GDPD5: variants seen among roughly 807,000 people sequenced by gnomAD.
GDPD5 encodes the protein glycerophosphodiester phosphodiesterase 2.
A neutral mutation model predicts 75.1 loss-of-function variants in GDPD5; 48 were observed. The observed-to-expected ratio is 0.64, with a 90% CI of 0.51 to 0.81. The LOEUF (loss-of-function observed/expected upper bound fraction) is 0.81, where lower values mean the gene tolerates loss of function less well. Among genes scored for constraint, GDPD5 ranks in the 40% least tolerant of loss-of-function variants. The pLI is 0.00. For missense variants in GDPD5, 706 were observed against 822.6 expected, an observed-to-expected ratio of 0.86 and a Z score of 1.73; for synonymous variants, 336 against 339.0, an observed-to-expected ratio of 0.99 and a Z score of 0.10.
At chr11:75,518,475 T>A (rs973436138) in intron 1 of GDPD5, among the ~76,000 whole-genome samples, 3 of 152,206 alleles carry the variant, frequency 2.0e-5, no homozygotes, top group Non-Finnish European at 4.4e-5. Flanking sequence ...CATCAACTAC[T>A]GATGCCTGGG....
intron 4 of GDPD5, among the ~76,000 whole-genome samples, chr11:75,459,215 A>T (rs1565193724): frequency 6.6e-6 from 1 of 152,218 alleles, no homozygotes; most frequent in Admixed American, 6.5e-5. Context: ...AATAGTTTCT[A>T]ATTCTTCACA....
chr11:75,508,631 T>C (rs185903217), intron 1 of GDPD5, among the ~76,000 whole-genome samples: 79 of 152,276 alleles, frequency 5.2e-4, no homozygotes, highest in African/African-American at 1.8e-3. Flanking sequence ...AATAATCTGC[T>C]TAGGTTTACA....
At chr11:75,439,690 A>G (rs982504799) in intron 15 of GDPD5, among the ~76,000 whole-genome samples, 189 bp downstream of exon 15, 3 of 152,168 alleles carry the variant, frequency 2.0e-5, no homozygotes, top group Non-Finnish European at 4.4e-5. Context: ...TCCCAGCTGC[A>G]TGTTCATTCC....
intron 1 of GDPD5, among the ~76,000 whole-genome samples, chr11:75,505,005 C>A (rs1950365932): frequency 2.0e-5 from 3 of 151,910 alleles, no homozygotes; most frequent in Admixed American, 2.0e-4. Flanking sequence ...GCCTGTAATC[C>A]CAGCTACTCA....
chr11:75,483,581 A>T lies in GDPD5; in HGVS notation c.-60-5786T>A, dbSNP rs554994785. ...CCTGGTCACCCTCAACTGAATTGCT[A>T]TGTGACCTTGGACAGGTCACTACCT... On this transcript the variant is annotated intron_variant, in intron 2 of 16. Transcript: ENST00000336898. Among the ~76,000 whole-genome samples, 11 of 152,308 alleles carry T rather than the reference A, an allele frequency of 7.2e-5. No homozygotes were observed. In the East Asian group the frequency reaches 2.1e-3, roughly 29 times the overall value.
At chr11:75,455,417 A>C (rs960370279) in intron 6 of GDPD5, 3 of 454,804 alleles carry the variant, frequency 6.6e-6, no homozygotes, top group Non-Finnish European at 1.3e-5. Context: ...GGCTCCTACC[A>C]CTCTAAGACT....
At chr11:75,483,898 T>C (rs758497012) in intron 2 of GDPD5, among the ~76,000 whole-genome samples, 13 of 152,050 alleles carry the variant, frequency 8.5e-5, no homozygotes, top group Middle Eastern at 3.4e-3. Flanking sequence ...CTGGTGAAAA[T>C]GTCCCTGGCC....
intron 15 of GDPD5, chr11:75,437,311 A>G (rs1948652652): frequency 6.1e-6 from 3 of 494,200 alleles, no homozygotes; most frequent in Non-Finnish European, 1.1e-5. Context: ...AGGGTTGGTT[A>G]GTTCTGTCTC....
intron 1 of GDPD5, among the ~76,000 whole-genome samples, chr11:75,502,705 T>C (rs983980832): frequency 4.6e-5 from 7 of 152,194 alleles, no homozygotes; most frequent in Non-Finnish European, 7.3e-5. Context: ...GGACAGGTCA[T>C]TGAGTGTGAA....
At chr11:75,481,366 G>A (rs1949915052) in intron 2 of GDPD5, among the ~76,000 whole-genome samples, 1 of 152,230 alleles carries the variant, frequency 6.6e-6, no homozygotes, top group African/African-American at 2.4e-5. Flanking sequence ...GCAGTCTGAG[G>A]GGGAAGATGC....
intron 3 of GDPD5, among the ~76,000 whole-genome samples, chr11:75,471,488 A>G (rs938325341): frequency 6.6e-6 from 1 of 152,110 alleles, no homozygotes. Flanking sequence ...GGAGAATGCA[A>G]TTAAGTCCTG....
At chr11:75,449,198 C>G (rs901500730) in intron 8 of GDPD5, 76 bp from the exon 9 acceptor site, 2 of 1,499,420 alleles carry the variant, frequency 1.3e-6, no homozygotes, top group African/African-American at 1.4e-5. Context: ...CCCTCTACCC[C>G]CGACCTGTCA....
chr11:75,485,054 CT>C (rs1203029137), intron 2 of GDPD5, among the ~76,000 whole-genome samples: 1 of 152,144 alleles, frequency 6.6e-6, no homozygotes, highest in African/African-American at 2.4e-5. Flanking sequence ...ATGGAGAGAC[CT>C]TGAAAACATA....
Position 75,449,432 on chromosome 11 carries a change from C to T in GDPD5, c.568+85G>A. On this transcript the variant is annotated intron_variant, in intron 8 of 16. Coordinates refer to ENST00000336898, the MANE Select transcript of GDPD5 (RefSeq NM_030792.8). The stretch of plus-strand genomic sequence containing the variant: ...CCCCACCCCATCCCCAGGCCACCCC[C>T]AGGGAAAGCCCAGGTCGGGGCAGCA... 4.4e-6 allele frequency: 6 copies of T among 1,358,204 alleles called. No individual in the cohort carries two copies. The South Asian group carries it at 6.5e-5, about 15-fold the overall frequency. 84.1% of individuals were successfully genotyped at this position (1,358,204 alleles called of 1,614,324 possible). A position where few individuals can be genotyped will look rare whatever the true frequency, so the allele number is the denominator to read the frequency against.
Position 75,475,345 on chromosome 11 carries a change from G to A in GDPD5, c.117+2274C>T, listed in dbSNP as rs995288267. Among the ~76,000 whole-genome samples the A allele has an allele frequency of 5.9e-5, 9 of 152,048 alleles. No homozygotes were observed. In the East Asian group the frequency reaches 9.7e-4, roughly 16 times the overall value. On this transcript the variant is annotated intron_variant, in intron 3 of 16. Coordinates refer to ENST00000336898, the MANE Select transcript of GDPD5 (RefSeq NM_030792.8). The stretch of plus-strand genomic sequence containing the variant: ...ACAAACCAGGCTCACTGGAAGAGCC[G>A]TCTCCACCACCCCTCAACTCAGGCA...
At position 75,449,553 on chromosome 11, in the gene GDPD5, T is replaced by TCCAG; in HGVS notation, c.528_531dup (p.Ile178LeufsTer86). 1 of 1,588,654 alleles carries TCCAG rather than the reference T, an allele frequency of 6.3e-7. No homozygotes were observed. Among genetic ancestry groups the TCCAG allele is most frequent in the African/African-American group, 1.3e-5 (1 of 74,832 alleles). Reference sequence around the variant, plus strand: ...GCGCGGGCGAACTGTCCTGCCACGATCCAGGAGAGCATGGTGACTGCTGCC... The same window carrying TCCAG: ...GCGCGGGCGAACTGTCCTGCCACGATCCAGCCAGGAGAGCATGGTGACTGCTGCC... On this transcript the variant is annotated frameshift_variant, in exon 8 of 17. Coordinates refer to ENST00000336898, the MANE Select transcript of GDPD5 (RefSeq NM_030792.8). LOFTEE classifies it high-confidence loss of function.
At chr11:75,510,773 C>T (rs561667111) in intron 1 of GDPD5, among the ~76,000 whole-genome samples, 41 of 152,036 alleles carry the variant, frequency 2.7e-4, no homozygotes, top group African/African-American at 9.7e-4. Context: ...CCTCCTCCTC[C>T]GGGCCTCCCC....
intron 2 of GDPD5, 136 bp from the exon 3 acceptor site, chr11:75,477,931 G>A (rs901173559): frequency 6.5e-5 from 27 of 417,518 alleles, no homozygotes; most frequent in Non-Finnish European, 8.1e-5. Context: ...CTCACTTGGA[G>A]TCACAGGCCC....
chr11:75,475,643 G>A (rs1457860224), intron 3 of GDPD5, among the ~76,000 whole-genome samples: 12 of 152,158 alleles, frequency 7.9e-5, no homozygotes, highest in African/African-American at 2.2e-4. Context: ...CGAAGTGAGC[G>A]ACTGCAGGGA....
Sources: gnomAD v4.1 joint callset for allele counts (sites outside exome capture counted in the v4.1 genomes callset) on GRCh38, gnomAD v4.1.1 for gene constraint, MANE v1.5 for transcripts, NCBI Gene and HGNC (gene_info 2026-07-23, HGNC 2026-07-21) for gene names.